The following NINL variants were observed in gnomAD, a reference collection of about 807,000 sequenced individuals.
NINL encodes the protein ninein-like protein.
In NINL, 153 loss-of-function variants were observed where a neutral mutation model predicts 160.3. The ratio of observed to expected loss-of-function variants is 0.95; its 90% CI spans 0.84 to 1.09. The LOEUF (loss-of-function observed/expected upper bound fraction) is 1.09, where lower values mean the gene tolerates loss of function less well. Ranked by LOEUF, NINL falls within the 50% of genes least tolerant of loss-of-function variation. NINL has a pLI of 0.00. For missense variants in NINL, 1,829 were observed against 1,764.0 expected (o/e 1.04, Z -0.66); for synonymous variants, 800 against 734.8 (o/e 1.09, Z -1.43).
chr20:25,497,506 A>C (rs1390452403), intron 9 of NINL, among the ~76,000 whole-genome samples: 1 of 152,244 alleles, frequency 6.6e-6, no homozygotes, highest in Non-Finnish European at 1.5e-5. Context: ...TGCAGTCTTT[A>C]GGATTGAGAT....
intron 3 of NINL, among the ~76,000 whole-genome samples, 179 bp from the exon 4 acceptor site, chr20:25,513,185 T>C (rs1213285192): frequency 6.6e-6 from 1 of 152,172 alleles, no homozygotes; most frequent in South Asian, 2.1e-4. Context: ...ATGGCAATTC[T>C]ATGACCTTGG....
At chr20:25,462,597 A>G in intron 19 of NINL, 56 bp from the exon 20 acceptor site, 15 of 1,434,766 alleles carry the variant, frequency 1.0e-5, no homozygotes, top group Non-Finnish European at 1.4e-5. Flanking sequence ...TTTTCATGTT[A>G]TATATACATT....
At chr20:25,568,226 A>T (rs1385469920) in intron 1 of NINL, among the ~76,000 whole-genome samples, 1 of 126,474 alleles carries the variant, frequency 7.9e-6, no homozygotes, top group East Asian at 1.9e-4. Context: ...TTCATTTGTC[A>T]GATCTCAAAA....
Position 25,476,808 on chromosome 20 carries a change from G to A in NINL, c.2483C>T (p.Ala828Val), listed in dbSNP as rs143451909. Reference sequence around the variant, plus strand: ...TGCCACCAGCCCATCTTTCGGCAGGGCCTGCATCTCTGCTTCCAGGGAGGG... The same window carrying A: ...TGCCACCAGCCCATCTTTCGGCAGGACCTGCATCTCTGCTTCCAGGGAGGG... ...DGPSLEAEMQ[A>V]LPKDGLVAGS... The change falls in exon 17 of 24, where the codon GCC (alanine) becomes GTC (valine). Residue 828 changes from alanine to valine, a missense_variant. Coordinates refer to ENST00000278886, the MANE Select transcript of NINL (RefSeq NM_025176.6). 473 of 1,612,892 alleles carry A rather than the reference G, an allele frequency of 2.9e-4. No homozygotes were observed. Among genetic ancestry groups the A allele is most frequent in the Admixed American group, 1.5e-4 (9 of 60,006 alleles).
chr20:25,538,614 T>C (rs987877086), intron 1 of NINL, among the ~76,000 whole-genome samples: 2 of 152,106 alleles, frequency 1.3e-5, no homozygotes, highest in Non-Finnish European at 2.9e-5. Flanking sequence ...GGCATGGACA[T>C]GGCCTGGCCC....
At chr20:25,476,018 T>G in intron 17 of NINL, 25 bp downstream of exon 17, 1 of 1,600,628 alleles carries the variant, frequency 6.2e-7, no homozygotes, top group Non-Finnish European at 8.5e-7. Context: ...AAGTGTTTAG[T>G]TTTAAGAATG....
Position 25,496,664 on chromosome 20 carries a change from T to C in NINL, c.1309A>G (p.Lys437Glu), listed in dbSNP as rs980763643. The change falls in exon 10 of 24, where the codon AAG (lysine) becomes GAG (glutamate). Residue 437 changes from lysine (K) to glutamate (E), a missense_variant and splice_region_variant. By Grantham distance (56) the Lys-to-Glu change is moderately conservative (BLOSUM62 1). Coordinates refer to ENST00000278886, the MANE Select transcript of NINL (RefSeq NM_025176.6). ...CCACCACCTGGGCCCAGAACCCACT[T>C]GATTTTCTTCTCCGTGAGCTGCTCC... ...TLEQLTEKKIKHLEQGYRERL... is the reference protein window; with the variant it reads ...TLEQLTEKKIEHLEQGYRERL... 1 of 1,613,964 alleles carries C rather than the reference T, an allele frequency of 6.2e-7. No homozygotes were observed. Among genetic ancestry groups the C allele is most frequent in the Non-Finnish European group, 8.5e-7 (1 of 1,179,954 alleles).
At chr20:25,526,329 G>T in intron 2 of NINL, 79 bp downstream of exon 2, 2 of 1,264,772 alleles carry the variant, frequency 1.6e-6, no homozygotes, top group Non-Finnish European at 2.2e-6. Flanking sequence ...TCCTTATTCA[G>T]CTGATATTTA....
At chr20:25,455,956 T>C (rs2090663604) in intron 22 of NINL, among the ~76,000 whole-genome samples, 170 bp from the exon 23 acceptor site, 1 of 151,486 alleles carries the variant, frequency 6.6e-6, no homozygotes, top group African/African-American at 2.4e-5. Flanking sequence ...ATTAGCCGTG[T>C]GTGGTGGTGC....
intron 4 of NINL, among the ~76,000 whole-genome samples, chr20:25,511,381 A>G (rs760991100): frequency 3.9e-5 from 6 of 152,148 alleles, no homozygotes; most frequent in Admixed American, 3.9e-4. Context: ...ACTTAAGTAA[A>G]AACCTCGTGC....
At chr20:25,565,860 C>G (rs2064993866) in intron 1 of NINL, among the ~76,000 whole-genome samples, 1 of 152,160 alleles carries the variant, frequency 6.6e-6, no homozygotes, top group African/African-American at 2.4e-5. Context: ...GCCATGCACT[C>G]TTCCTCTCCT....
chr20:25,541,349 T>A (rs2064658834), intron 1 of NINL, among the ~76,000 whole-genome samples: 1 of 152,232 alleles, frequency 6.6e-6, no homozygotes, highest in Non-Finnish European at 1.5e-5. Flanking sequence ...TGATGGCAAG[T>A]ACTGAATAAA....
At position 25,453,367 on chromosome 20, in the gene NINL, C is replaced by T; in HGVS notation, c.*84G>A. 1 of 1,261,368 alleles carries T rather than the reference C, an allele frequency of 7.9e-7. No homozygotes were observed. Among genetic ancestry groups the T allele is most frequent in the Non-Finnish European group, 1.1e-6 (1 of 896,198 alleles). 78.1% of individuals were successfully genotyped at this position (1,261,368 alleles called of 1,614,324 possible). ...TCCTCAGATGTCCCAGGACTCATGG[C>T]TCATGACCCACGGAATCTAAGGCAG... On this transcript the variant is annotated 3_prime_UTR_variant, in exon 24 of 24. Coordinates refer to ENST00000278886, the MANE Select transcript of NINL (RefSeq NM_025176.6).
At chr20:25,545,986 T>C (rs893248704) in intron 1 of NINL, among the ~76,000 whole-genome samples, 1 of 41,622 alleles carries the variant, frequency 2.4e-5, no homozygotes, top group Non-Finnish European at 1.5e-4. Context: ...TGTTTTGTTT[T>C]TATTTTTTTT....
chr20:25,479,045 C>G lies in NINL; in HGVS notation c.2079G>C (p.Leu693=), dbSNP rs151185504. ...HEKSQEVIWG[L]QEQLQDTARG... ...GGGCTGTGTCCTGCAGCTGCTCCTGCAGGCCCCAGATGACCTCCTGAGACT... is the reference window on the plus strand; with the variant it reads ...GGGCTGTGTCCTGCAGCTGCTCCTGGAGGCCCCAGATGACCTCCTGAGACT... The change falls in exon 16 of 24, where the codon CTG becomes CTC. Residue 693 remains leucine (L), a synonymous_variant. Coordinates refer to ENST00000278886, the MANE Select transcript of NINL (RefSeq NM_025176.6). 1.6e-4 allele frequency: 251 copies of G among 1,611,724 alleles called. No homozygotes were observed. In the African/African-American group the frequency reaches 3.0e-3, roughly 19 times the overall value.
chr20:25,557,595 T>C (rs984947913), intron 1 of NINL, among the ~76,000 whole-genome samples: 38 of 151,912 alleles, frequency 2.5e-4, no homozygotes, highest in African/African-American at 9.2e-4. Flanking sequence ...GGACTTTTTA[T>C]AGTGATAATT....
At position 25,526,435 on chromosome 20, in the gene NINL, C is replaced by T. The variant is rs185577666; in HGVS notation, c.153G>A (p.Thr51=). The change falls in exon 2 of 24, where the codon ACG becomes ACA. Residue 51 remains threonine, a synonymous_variant. Coordinates refer to ENST00000278886, the MANE Select transcript of NINL (RefSeq NM_025176.6). ...TGGCGAAATGGTCGTTTCCGAGAAG[C>T]GTCTGCAGGAGGACGGGCAGCTGCT... ...LEQQLPVLLQ[T]LLGNDHFARV... 2.1e-4 allele frequency: 338 copies of T among 1,612,886 alleles called. 3 individuals are homozygous for T. In the Admixed American group the frequency reaches 5.5e-3, roughly 26 times the overall value.
chr20:25,537,551 A>G (rs1160947510), intron 1 of NINL, among the ~76,000 whole-genome samples: 1 of 152,170 alleles, frequency 6.6e-6, no homozygotes, highest in Non-Finnish European at 1.5e-5. Context: ...CCACACACAA[A>G]ATTAAAACAG....
chr20:25,477,010 G>C lies in NINL; in HGVS notation c.2281C>G (p.Leu761Val), dbSNP rs753877956. 2 of 1,601,290 alleles carry C rather than the reference G, an allele frequency of 1.2e-6. No individual in the cohort carries two copies. The highest frequency in any genetic ancestry group is 2.7e-5 in the African/African-American group (2 of 74,924). Residue 761 changes from leucine to valine, a missense_variant, in exon 17 of 24, where the codon CTG becomes GTG. Coordinates refer to ENST00000278886, the MANE Select transcript of NINL (RefSeq NM_025176.6). The part of the protein sequence containing the change: ...LPARRDLTLE[L>V]EEPPQGPLPR... ...AGGGGTCCCTGCGGCGGCTCCTCCA[G>C]CTCCAAGGTCAGGTCTCTGCGAGCG...
Sources: gnomAD v4.1 joint callset for allele counts (sites outside exome capture counted in the v4.1 genomes callset) on GRCh38, gnomAD v4.1.1 for gene constraint, MANE v1.5 for transcripts, NCBI Gene and HGNC (gene_info 2026-07-23, HGNC 2026-07-21) for gene names.